ZNF254: variants seen among roughly 807,000 people sequenced by gnomAD.
ZNF254 encodes zinc finger protein 254, also known as CTD-2017D11.1.
ZNF254 carries 10 observed loss-of-function variants against 12.4 expected under a neutral mutation model. The ratio of observed to expected loss-of-function variants is 0.80; its 90% CI spans 0.50 to 1.36. The LOEUF (loss-of-function observed/expected upper bound fraction) is 1.36, where lower values mean the gene tolerates loss of function less well. Among genes scored for constraint, ZNF254 ranks in the 40% most tolerant of loss-of-function variants. ZNF254 has a pLI of 0.00. For missense variants in ZNF254, 996 were observed against 763.9 expected, an observed-to-expected ratio of 1.30 and a Z score of -3.58; for synonymous variants, 305 against 253.4, an observed-to-expected ratio of 1.20 and a Z score of -1.93.
upstream of ZNF254, among the ~76,000 whole-genome samples, chr19:24,085,517 A>AC (rs1568445825): frequency 1.4e-5 from 2 of 147,636 alleles, no homozygotes; most frequent in East Asian, 4.0e-4. Flanking sequence ...TAATCCCAAC[A>AC]CCCAACACTT....
At chr19:24,081,666 C>CAT (rs1015332300) in intron 2 of ZNF254, among the ~76,000 whole-genome samples, 5 of 152,152 alleles carry the variant, frequency 3.3e-5, no homozygotes, top group Admixed American at 6.5e-5. Flanking sequence ...GCCTGTTCAG[C>CAT]ATAGAGGAGC....
rs2146026171 is a variant in ZNF254, at chr19:24,127,189, A to G, written c.1189A>G (p.Lys397Glu). ...GCAACTCTCAACTCTTACTACACAT[A>G]AAATAATTCATGTTGGAGAGAAACT... ...FKQLSTLTTH[K>E]IIHVGEKLYK... The change falls in exon 4 of 4, where the codon AAA (lysine) becomes GAA (glutamate). Residue 397 changes from lysine (K) to glutamate (E), a missense_variant. Physicochemically the swap from Lys to Glu is moderately conservative, Grantham distance 56. Coordinates refer to ENST00000357002, the MANE Select transcript of ZNF254 (RefSeq NM_203282.4). 1 of 1,613,396 alleles carries G rather than the reference A, an allele frequency of 6.2e-7. No homozygotes were observed. Among genetic ancestry groups the G allele is most frequent in the Non-Finnish European group, 8.5e-7 (1 of 1,179,696 alleles).
At chr19:24,068,978 G>A (rs1290007550) in intron 2 of ZNF254, among the ~76,000 whole-genome samples, 8 of 152,052 alleles carry the variant, frequency 5.3e-5, no homozygotes, top group Non-Finnish European at 1.2e-4. Context: ...GTGTCATCAA[G>A]GGACAAAAAC....
chr19:24,058,794 C>G (rs1199710642), intron 2 of ZNF254, among the ~76,000 whole-genome samples: 1 of 152,176 alleles, frequency 6.6e-6, no homozygotes, highest in Non-Finnish European at 1.5e-5. Flanking sequence ...ATTATGTTAA[C>G]TCTCCTCTGC....
At chr19:24,105,473 C>T in intron 1 of ZNF254, 1 of 228,402 alleles carries the variant, frequency 4.4e-6, no homozygotes, top group Non-Finnish European at 8.5e-6. Context: ...GATTCATTAA[C>T]TCAGACTTTA....
intron 2 of ZNF254, among the ~76,000 whole-genome samples, chr19:24,071,342 G>C (rs780998811): frequency 1.2e-4 from 18 of 152,148 alleles, no homozygotes; most frequent in Non-Finnish European, 1.8e-4. Context: ...GAGACATAGT[G>C]AATGTCCCTG....
chr19:24,110,876 A>G (rs1321094961), intron 3 of ZNF254, among the ~76,000 whole-genome samples: 1 of 151,696 alleles, frequency 6.6e-6, no homozygotes, highest in Non-Finnish European at 1.5e-5. Context: ...ACTGTTAAAT[A>G]TTCTTCTTTA....
intron 3 of ZNF254, among the ~76,000 whole-genome samples, chr19:24,116,484 G>A (rs1161198410): frequency 6.6e-6 from 1 of 151,936 alleles, no homozygotes; most frequent in Non-Finnish European, 1.5e-5. Flanking sequence ...CCAGGTGATT[G>A]CATCAGCTCC....
chr19:24,050,969 T>C (rs946518560), intron 2 of ZNF254, among the ~76,000 whole-genome samples: 11 of 152,010 alleles, frequency 7.2e-5, no homozygotes, highest in African/African-American at 2.4e-4. Context: ...CCCAAAGTAC[T>C]GGGATTCCAG....
chr19:24,044,101 G>A (rs960639120), intron 1 of ZNF254, among the ~76,000 whole-genome samples: 6 of 151,500 alleles, frequency 4.0e-5, no homozygotes, highest in Non-Finnish European at 7.4e-5. Flanking sequence ...TTAGCTGGGC[G>A]TGCTGGCAGG....
chr19:24,109,134 A>G (rs1973510807), intron 3 of ZNF254, among the ~76,000 whole-genome samples: 1 of 152,218 alleles, frequency 6.6e-6, no homozygotes, highest in Admixed American at 6.5e-5. Flanking sequence ...CTAAACTTGG[A>G]TTACAGTAGT....
At chr19:24,098,380 C>T (rs541829524) in intron 1 of ZNF254, 1 of 152,258 alleles carries the variant, frequency 6.6e-6, no homozygotes, top group East Asian at 1.9e-4. Context: ...GTTGTAGGCT[C>T]GCATATATTC....
chr19:24,124,830 G>A (rs1974721152), intron 3 of ZNF254, among the ~76,000 whole-genome samples: 1 of 151,464 alleles, frequency 6.6e-6, no homozygotes, highest in African/African-American at 2.4e-5. Context: ...CTTGAGTGTA[G>A]TGGTGTGACC....
Position 24,105,757 on chromosome 19 carries a change from A to G in ZNF254, c.31-183A>G, listed in dbSNP as rs1035549996. 22 of 1,006,536 alleles carry G rather than the reference A, an allele frequency of 2.2e-5. No individual in the cohort carries two copies. The Admixed American group carries it at 3.0e-4, about 14-fold the overall frequency. The allele number at this position is 1,006,536 out of a possible 1,614,324, so 62.4% of individuals were successfully genotyped here. A position where few individuals can be genotyped will look rare whatever the true frequency, so the allele number is the denominator to read the frequency against. On this transcript the variant is annotated intron_variant, in intron 1 of 3. Coordinates refer to ENST00000357002, the MANE Select transcript of ZNF254 (RefSeq NM_203282.4). ...ACTGATGTGGATATTTTGCCACTCT[A>G]TTTTCTCAGAGTTAGAGAATACATT...
chr19:24,059,640 A>ACATCC (rs1970996378), intron 2 of ZNF254, among the ~76,000 whole-genome samples: 1 of 149,930 alleles, frequency 6.7e-6, no homozygotes, highest in South Asian at 2.1e-4. Flanking sequence ...GTATTTTGGC[A>ACATCC]CTGGGGCCAC....
At chr19:24,084,084 C>G (rs1212953418), upstream of ZNF254, among the ~76,000 whole-genome samples, 1 of 150,376 alleles carries the variant, frequency 6.6e-6, no homozygotes, top group East Asian at 1.9e-4. Flanking sequence ...TGGAAGCAGC[C>G]TAATTAATGC....
chr19:24,129,329 T>A lies in ZNF254; in HGVS notation c.*1349T>A, dbSNP rs1223311568. 6.6e-6 allele frequency: 1 copy of A among 152,066 alleles called. No individual in the cohort carries two copies. Among genetic ancestry groups the A allele is most frequent in the Non-Finnish European group, 1.5e-5 (1 of 67,924 alleles). 9.4% of individuals were successfully genotyped at this position (152,066 alleles called of 1,614,324 possible). Reference sequence around the variant, plus strand: ...ACTTAGCTTTTCAATTCAACATTTTTAACATATTAAATACTATTGTGAATT... The same window carrying A: ...ACTTAGCTTTTCAATTCAACATTTTAAACATATTAAATACTATTGTGAATT... On this transcript the variant is annotated 3_prime_UTR_variant, in exon 4 of 4. Coordinates refer to ENST00000357002, the MANE Select transcript of ZNF254 (RefSeq NM_203282.4).
In ZNF254 at chr19:24,128,306, T is replaced by TA. The variant is rs1203615625; in HGVS notation, c.*332dup. 5.1e-5 allele frequency: 12 copies of TA among 233,140 alleles called. No homozygotes were observed. Among genetic ancestry groups the TA allele is most frequent in the East Asian group, 8.9e-5 (1 of 11,298 alleles). 14.4% of individuals were successfully genotyped at this position (233,140 alleles called of 1,614,324 possible). A position where few individuals can be genotyped will look rare whatever the true frequency, so the allele number is the denominator to read the frequency against. Reference sequence around the variant, plus strand: ...AAGAAATGTACAAATATTGGCAAAGTAAAAAATCCATTAACACCTGCTCAC... The same window carrying TA: ...AAGAAATGTACAAATATTGGCAAAGTAAAAAAATCCATTAACACCTGCTCAC... On this transcript the variant is annotated 3_prime_UTR_variant, in exon 4 of 4. Transcript: ENST00000357002.
At chr19:24,052,048 A>G (rs1376093186) in intron 2 of ZNF254, among the ~76,000 whole-genome samples, 1 of 151,670 alleles carries the variant, frequency 6.6e-6, no homozygotes, top group African/African-American at 2.4e-5. Context: ...AGGTGATGTG[A>G]CTCTCTTGCA....
Sources: allele counts gnomAD v4.1 joint callset (sites outside exome capture counted in the v4.1 genomes callset), GRCh38; gene constraint gnomAD v4.1.1; transcripts MANE v1.5; gene names NCBI Gene and HGNC (gene_info 2026-07-23, HGNC 2026-07-21).